KCNK2: variants seen among roughly 807,000 people sequenced by gnomAD.
KCNK2 encodes potassium channel subfamily K member 2.
Under a neutral mutation model 40.5 loss-of-function variants are expected in KCNK2, and 21 were observed. That is an observed-to-expected ratio of 0.52 (90% CI 0.37 to 0.75). The LOEUF (loss-of-function observed/expected upper bound fraction) is 0.75. Ranked by LOEUF, KCNK2 falls within the 30% of genes least tolerant of loss-of-function variation. KCNK2 has a pLI of 0.00. For missense variants in KCNK2, 399 were observed against 531.6 expected, an observed-to-expected ratio of 0.75 and a Z score of 2.45; for synonymous variants, 191 against 202.2, an observed-to-expected ratio of 0.94 and a Z score of 0.47.
upstream of KCNK2, among the ~76,000 whole-genome samples, chr1:215,081,165 A>ATG (rs34229936): frequency 3.4e-3 from 503 of 149,370 alleles, 3 homozygotes; most frequent in South Asian, 0.02. Flanking sequence ...GTACACGCAA[A>ATG]TGTGTGTGTG....
At chr1:215,117,376 A>G (rs1660992036) in intron 2 of KCNK2, among the ~76,000 whole-genome samples, 1 of 152,140 alleles carries the variant, frequency 6.6e-6, no homozygotes, top group Non-Finnish European at 1.5e-5. Context: ...TCTAGGCAAT[A>G]AAGGGTTTTC....
intron 2 of KCNK2, among the ~76,000 whole-genome samples, chr1:215,093,564 T>C (rs61123230): frequency 0.024 from 2,557 of 108,210 alleles, 63 homozygotes; most frequent in South Asian, 0.073. Context: ...ATATAAGATA[T>C]ATAATATATA....
In KCNK2 at chr1:215,236,287, T is replaced by G. The variant is rs1213380265; in HGVS notation, c.*1142T>G. On this transcript the variant is annotated 3_prime_UTR_variant, in exon 7 of 7. Transcript: ENST00000444842. Reference sequence around the variant, plus strand: ...ATGAAAGGCTTATATAATTTTCTTTTCGTTGGGTGACTTTTGCCAGATGAG... The same window carrying G: ...ATGAAAGGCTTATATAATTTTCTTTGCGTTGGGTGACTTTTGCCAGATGAG... The G allele has an allele frequency of 6.6e-6, 1 of 152,378 alleles. No homozygotes were observed. Among genetic ancestry groups the G allele is most frequent in the Non-Finnish European group, 1.5e-5 (1 of 68,082 alleles). 9.4% of individuals were successfully genotyped at this position (152,378 alleles called of 1,614,324 possible).
At chr1:215,172,815 C>G (rs982818666) in intron 5 of KCNK2, among the ~76,000 whole-genome samples, 1 of 151,956 alleles carries the variant, frequency 6.6e-6, no homozygotes, top group Non-Finnish European at 1.5e-5. Context: ...TGCCACTAGG[C>G]CCAGCTAATT....
chr1:215,018,988 C>A (rs1484958625), intron 1 of KCNK2, among the ~76,000 whole-genome samples: 1 of 71,768 alleles, frequency 1.4e-5, no homozygotes, highest in African/African-American at 4.1e-5. Flanking sequence ...TCTCAACACA[C>A]ACACACACAC....
intron 3 of KCNK2, among the ~76,000 whole-genome samples, chr1:215,139,586 C>A (rs1467099066): frequency 6.6e-6 from 1 of 152,060 alleles, no homozygotes; most frequent in East Asian, 1.9e-4. Context: ...CAGTTTGAGA[C>A]CAGCCTAACC....
At chr1:215,120,327 C>T (rs11120496) in intron 2 of KCNK2, among the ~76,000 whole-genome samples, 83,085 of 151,920 alleles carry the variant, frequency 0.55, 25,476 homozygotes, top group Non-Finnish European at 0.68. Flanking sequence ...TTAATGGGGG[C>T]GGAGTCTGAA....
intron 6 of KCNK2, among the ~76,000 whole-genome samples, chr1:215,198,212 T>C (rs546248333): frequency 6.6e-6 from 1 of 152,310 alleles, no homozygotes; most frequent in Non-Finnish European, 1.5e-5. Context: ...GCATGTACTT[T>C]CTGGTGATTG....
At chr1:215,135,573 T>C (rs774011469) in intron 3 of KCNK2, among the ~76,000 whole-genome samples, 4 of 151,566 alleles carry the variant, frequency 2.6e-5, no homozygotes, top group Non-Finnish European at 5.9e-5. Flanking sequence ...TTTTATAATA[T>C]AAAAATTAAA....
intron 3 of KCNK2, among the ~76,000 whole-genome samples, chr1:215,168,645 T>G (rs1295391315): frequency 5.9e-5 from 9 of 151,524 alleles, no homozygotes; most frequent in Non-Finnish European, 1.2e-4. Context: ...TAAGTGGGAG[T>G]TGAACAGTGA....
intron 1 of KCNK2, among the ~76,000 whole-genome samples, chr1:215,060,501 G>A (rs1658329482): frequency 6.6e-6 from 1 of 152,182 alleles, no homozygotes; most frequent in Admixed American, 6.5e-5. Context: ...TAGATGCAGG[G>A]TATACGTTAT....
At chr1:215,098,773 C>T (rs1660084572) in intron 2 of KCNK2, among the ~76,000 whole-genome samples, 1 of 151,880 alleles carries the variant, frequency 6.6e-6, no homozygotes, top group African/African-American at 2.4e-5. Flanking sequence ...TGACAACTTA[C>T]ATTTTGTGAA....
At chr1:215,044,830 C>T (rs2802645) in intron 1 of KCNK2, among the ~76,000 whole-genome samples, 58,186 of 131,692 alleles carry the variant, frequency 0.44, 11,908 homozygotes, top group Non-Finnish European at 0.49. Flanking sequence ...TGTGTGTGCG[C>T]GCGCACACGT....
intron 5 of KCNK2, among the ~76,000 whole-genome samples, chr1:215,188,112 C>CA (rs1476848975): frequency 6.6e-6 from 1 of 152,050 alleles, no homozygotes; most frequent in Non-Finnish European, 1.5e-5. Context: ...TTTAACCATC[C>CA]AAATACATCA....
At chr1:215,108,681 G>T (rs1329019227) in intron 2 of KCNK2, among the ~76,000 whole-genome samples, 1 of 151,490 alleles carries the variant, frequency 6.6e-6, no homozygotes, top group Non-Finnish European at 1.5e-5. Context: ...TTGGTAAAGG[G>T]TTTATTAAGC....
At chr1:215,040,119 G>T (rs1027883122) in intron 1 of KCNK2, among the ~76,000 whole-genome samples, 2 of 152,094 alleles carry the variant, frequency 1.3e-5, no homozygotes, top group African/African-American at 4.8e-5. Context: ...TGACACCATG[G>T]TCACAGGCTT....
In KCNK2 at chr1:215,203,952, G is replaced by C. The variant is rs546067914; in HGVS notation, c.963+8860G>C. On this transcript the variant is annotated intron_variant, in intron 6 of 6. Transcript: ENST00000444842. ...ACTCGGGAGGCCGAGGGAGGAGAAT[G>C]GTGTGAACCCGGGAGGTGGAGCTTG... is the stretch of plus-strand genomic sequence containing the variant. Among the ~76,000 whole-genome samples the C allele has an allele frequency of 1.8e-4, 27 of 149,478 alleles. No homozygotes were observed. The South Asian group carries it at 5.8e-3, about 32-fold the overall frequency.
chr1:215,079,049 C>A (rs1659051514), upstream of KCNK2, among the ~76,000 whole-genome samples: 1 of 152,106 alleles, frequency 6.6e-6, no homozygotes, highest in Non-Finnish European at 1.5e-5. Context: ...TGGAGCAGAA[C>A]AATAGATCTG....
intron 1 of KCNK2, among the ~76,000 whole-genome samples, chr1:215,017,325 G>A (rs533454501): frequency 1.3e-5 from 2 of 152,136 alleles, no homozygotes; most frequent in East Asian, 1.9e-4. Flanking sequence ...AATAGTCAAG[G>A]TATTAAATCA....
Sources: allele counts gnomAD v4.1 joint callset (sites outside exome capture counted in the v4.1 genomes callset), GRCh38; gene constraint gnomAD v4.1.1; transcripts MANE v1.5; gene names NCBI Gene and HGNC (gene_info 2026-07-23, HGNC 2026-07-21).